Variants in B3GALT1 observed in about 807,000 individuals in gnomAD.
B3GALT1 encodes the protein UDP-Gal:betaGlcNAc beta 1,3-galactosyltransferase, polypeptide 1.
B3GALT1 carries 10 observed loss-of-function variants against 23.2 expected under a neutral mutation model. That is an observed-to-expected ratio of 0.43 (90% CI 0.27 to 0.73). B3GALT1 has a LOEUF of 0.73. Among genes scored for constraint, B3GALT1 ranks in the 30% least tolerant of loss-of-function variants. The probability of loss-of-function intolerance (pLI) is 0.21; values close to 1 mark genes in which losing one functional copy is unlikely to be tolerated. For synonymous variants in B3GALT1, 156 were observed against 141.5 expected, an observed-to-expected ratio of 1.10 and a Z score of -0.73; for missense variants, 299 against 405.4, an observed-to-expected ratio of 0.74 and a Z score of 2.25.
chr2:167,762,380 G>A (rs1317770392), intron 3 of B3GALT1, among the ~76,000 whole-genome samples: 2 of 152,104 alleles, frequency 1.3e-5, no homozygotes, highest in East Asian at 3.9e-4. Context: ...TATTTTGAGA[G>A]ACAATTTACC....
intron 1 of B3GALT1, among the ~76,000 whole-genome samples, chr2:167,476,944 A>G (rs993404100): frequency 6.6e-6 from 1 of 152,210 alleles, no homozygotes; most frequent in Admixed American, 6.5e-5. Context: ...AGTTCCGTAA[A>G]TAATTCTGTC....
At chr2:167,447,232 C>G (rs553810306) in intron 1 of B3GALT1, among the ~76,000 whole-genome samples, 33 of 152,296 alleles carry the variant, frequency 2.2e-4, no homozygotes, top group South Asian at 1.7e-3. Context: ...AGCTTCGTCT[C>G]AGAGGGGCAC....
At position 167,873,421 on chromosome 2, in the gene B3GALT1, C is replaced by T. The variant is rs899906687; in HGVS notation, c.*3401C>T. 3 of 151,990 alleles carry T rather than the reference C, an allele frequency of 2.0e-5. No homozygotes were observed. The highest frequency in any genetic ancestry group is 7.2e-5 in the African/African-American group (3 of 41,380). 9.4% of individuals were successfully genotyped at this position (151,990 alleles called of 1,614,324 possible). A position where few individuals can be genotyped will look rare whatever the true frequency, so the allele number is the denominator to read the frequency against. On this transcript the variant is annotated 3_prime_UTR_variant, in exon 5 of 5. Coordinates refer to ENST00000392690, the MANE Select transcript of B3GALT1 (RefSeq NM_020981.4). ...AAGAATAAAACCCCTTTGCGTGACACGATATGGGGAAAATAAACTATTTAC... is the reference window on the plus strand; with the variant it reads ...AAGAATAAAACCCCTTTGCGTGACATGATATGGGGAAAATAAACTATTTAC...
At chr2:167,413,795 C>T (rs1352442077) in intron 1 of B3GALT1, among the ~76,000 whole-genome samples, 1 of 151,388 alleles carries the variant, frequency 6.6e-6, no homozygotes, top group East Asian at 1.9e-4. Context: ...GGTTTTTTTC[C>T]TGTATTTTTA....
chr2:167,783,230 G>A (rs1026635677), intron 3 of B3GALT1, among the ~76,000 whole-genome samples: 3 of 151,988 alleles, frequency 2.0e-5, no homozygotes, highest in African/African-American at 4.8e-5. Flanking sequence ...CTTTCAATAA[G>A]GCTAATCATT....
At position 167,771,720 on chromosome 2, in the gene B3GALT1, AG is replaced by A. The variant is rs552955959; in HGVS notation, c.-351-46951del. Among the ~76,000 whole-genome samples, 5 of 152,356 alleles carry A rather than the reference AG, an allele frequency of 3.3e-5. No individual in the cohort carries two copies. In the East Asian group the frequency reaches 9.6e-4, roughly 29 times the overall value. The stretch of plus-strand genomic sequence containing the variant: ...ATGCATTTTTAACATGAGAAGACTC[AG>A]ATAGACATAGCCATTTTCAATAGGT... On this transcript the variant is annotated intron_variant, in intron 3 of 4. Transcript: ENST00000392690.
intron 1 of B3GALT1, among the ~76,000 whole-genome samples, chr2:167,361,021 G>GA (rs1397282200): frequency 1.3e-5 from 2 of 152,012 alleles, no homozygotes; most frequent in South Asian, 2.1e-4. Context: ...GCATATTGCT[G>GA]AAAAAGATCA....
intron 2 of B3GALT1, among the ~76,000 whole-genome samples, chr2:167,568,530 T>G (rs2105398233): frequency 6.6e-6 from 1 of 152,228 alleles, no homozygotes; most frequent in South Asian, 2.1e-4. Flanking sequence ...CTTGAATGTC[T>G]TCTTTAGTGA....
chr2:167,590,626 A>G (rs2105415426), intron 2 of B3GALT1, among the ~76,000 whole-genome samples: 1 of 152,362 alleles, frequency 6.6e-6, no homozygotes, highest in South Asian at 2.1e-4. Context: ...ATTATGAGCA[A>G]CTGTCCTAGG....
At chr2:167,619,308 C>T (rs1356036803) in intron 2 of B3GALT1, among the ~76,000 whole-genome samples, 1 of 151,964 alleles carries the variant, frequency 6.6e-6, no homozygotes, top group Non-Finnish European at 1.5e-5. Flanking sequence ...CTCTCTAACA[C>T]ATATCACAAT....
At chr2:167,301,086 A>C (rs558134588) in intron 1 of B3GALT1, among the ~76,000 whole-genome samples, 1 of 152,280 alleles carries the variant, frequency 6.6e-6, no homozygotes, top group South Asian at 2.1e-4. Context: ...AAGCATTATC[A>C]TTGGCTACTA....
intron 1 of B3GALT1, among the ~76,000 whole-genome samples, chr2:167,486,577 G>A (rs1449778762): frequency 6.6e-6 from 1 of 151,698 alleles, no homozygotes; most frequent in Non-Finnish European, 1.5e-5. Flanking sequence ...AACTAGCTGG[G>A]TGTTGTGGCG....
At chr2:167,397,400 A>G (rs1229348163) in intron 1 of B3GALT1, among the ~76,000 whole-genome samples, 1 of 152,080 alleles carries the variant, frequency 6.6e-6, no homozygotes, top group Non-Finnish European at 1.5e-5. Context: ...CTATTTTTAA[A>G]TAATTCTCAA....
At chr2:167,835,460 A>G (rs1050550373) in intron 4 of B3GALT1, among the ~76,000 whole-genome samples, 4 of 152,208 alleles carry the variant, frequency 2.6e-5, no homozygotes, top group Non-Finnish European at 5.9e-5. Context: ...CAAACTGCAA[A>G]GTGGCAGCGA....
At chr2:167,714,632 C>T in intron 3 of B3GALT1, 1 of 1,613,790 alleles carries the variant, frequency 6.2e-7, no homozygotes, top group Non-Finnish European at 8.5e-7. Context: ...ATTTTCTTTC[C>T]TTAAATCATT....
Position 167,480,635 on chromosome 2 carries a change from T to TG in B3GALT1, c.-510-9538dup, listed in dbSNP as rs560626039. The stretch of plus-strand genomic sequence containing the variant: ...AACAAACAAACGAAACCACCACAGG[T>TG]GGGGCGGGGACTATCTTAGGCCTTC... On this transcript the variant is annotated intron_variant, in intron 1 of 4. Coordinates refer to ENST00000392690, the MANE Select transcript of B3GALT1 (RefSeq NM_020981.4). 9.5e-4 allele frequency among the ~76,000 whole-genome samples: 145 copies of TG among 152,242 alleles called. 1 individual carries two copies. Among genetic ancestry groups the TG allele is most frequent in the African/African-American group, 2.9e-3 (120 of 41,554 alleles).
intron 2 of B3GALT1, among the ~76,000 whole-genome samples, chr2:167,615,343 A>T (rs1685141974): frequency 6.6e-6 from 1 of 152,014 alleles, no homozygotes; most frequent in Admixed American, 6.6e-5. Context: ...GGATTCATAG[A>T]AACAAAGGGT....
At chr2:167,674,702 T>G (rs1214162301) in intron 3 of B3GALT1, among the ~76,000 whole-genome samples, 1 of 152,196 alleles carries the variant, frequency 6.6e-6, no homozygotes, top group Admixed American at 6.5e-5. Context: ...ATGAAAATAT[T>G]AAGTCAAAGA....
At chr2:167,412,214 A>G (rs1698403935) in intron 1 of B3GALT1, among the ~76,000 whole-genome samples, 1 of 152,242 alleles carries the variant, frequency 6.6e-6, no homozygotes, top group African/African-American at 2.4e-5. Context: ...TCTTTTCATC[A>G]AAAAGTCATT....
Sources: allele counts gnomAD v4.1 joint callset (sites outside exome capture counted in the v4.1 genomes callset), GRCh38; gene constraint gnomAD v4.1.1; transcripts MANE v1.5; gene names NCBI Gene and HGNC (gene_info 2026-07-23, HGNC 2026-07-21).